GABRB1: variants seen among roughly 807,000 people sequenced by gnomAD.
GABRB1 encodes the protein gamma-aminobutyric acid receptor subunit beta-1.
In GABRB1, 17 loss-of-function variants were observed where a neutral mutation model predicts 51.6. The observed-to-expected ratio is 0.33, with a 90% CI of 0.23 to 0.49. GABRB1 has a LOEUF of 0.49. GABRB1 is among the 20% of genes least tolerant of loss of function. GABRB1 has a pLI of 0.99. For missense variants in GABRB1, 410 were observed against 600.6 expected, an observed-to-expected ratio of 0.68 and a Z score of 3.32; for synonymous variants, 247 against 218.9, an observed-to-expected ratio of 1.13 and a Z score of -1.14.
intron 4 of GABRB1, among the ~76,000 whole-genome samples, chr4:47,247,004 C>T (rs1323601463): frequency 6.6e-6 from 1 of 152,092 alleles, no homozygotes; most frequent in South Asian, 2.1e-4. Context: ...ATTCTATTTG[C>T]TGAGCAAAAG....
At chr4:47,338,175 A>C (rs957683836) in intron 5 of GABRB1, among the ~76,000 whole-genome samples, 1 of 152,178 alleles carries the variant, frequency 6.6e-6, no homozygotes, top group African/African-American at 2.4e-5. Flanking sequence ...CAATCAAATC[A>C]AAGCTCTCTT....
At chr4:47,351,035 T>A (rs1726309755) in intron 5 of GABRB1, among the ~76,000 whole-genome samples, 1 of 152,234 alleles carries the variant, frequency 6.6e-6, no homozygotes, top group African/African-American at 2.4e-5. Flanking sequence ...AATTAAAGAT[T>A]GTGCTGATTT....
At chr4:47,390,139 T>C (rs998212194) in intron 5 of GABRB1, among the ~76,000 whole-genome samples, 1 of 152,212 alleles carries the variant, frequency 6.6e-6, no homozygotes, top group Admixed American at 6.5e-5. Context: ...TCAACTTGGA[T>C]CACATGCCTA....
intron 3 of GABRB1, among the ~76,000 whole-genome samples, chr4:47,088,022 TAA>T (rs1005568662): frequency 5.3e-5 from 8 of 152,190 alleles, no homozygotes; most frequent in African/African-American, 1.9e-4. Context: ...GTGGAAATGT[TAA>T]GTTGGTATTA....
At chr4:47,054,352 A>G (rs6447526) in intron 3 of GABRB1, among the ~76,000 whole-genome samples, 77,442 of 151,922 alleles carry the variant, frequency 0.51, 19,908 homozygotes, top group African/African-American at 0.54. Flanking sequence ...TTCTTGCTAT[A>G]CTGGTGCTTG....
chr4:47,068,328 G>A (rs147493831), intron 3 of GABRB1, among the ~76,000 whole-genome samples: 2 of 152,290 alleles, frequency 1.3e-5, no homozygotes, highest in African/African-American at 2.4e-5. Context: ...CACTGGAGTA[G>A]CATTTAAATT....
chr4:47,162,138 G>T (rs1249330669), intron 4 of GABRB1, among the ~76,000 whole-genome samples: 2 of 152,036 alleles, frequency 1.3e-5, no homozygotes, highest in East Asian at 1.9e-4. Flanking sequence ...TGAGTTAAAA[G>T]TCTTTGGGAG....
intron 3 of GABRB1, among the ~76,000 whole-genome samples, chr4:47,033,287 T>C (rs1043382677): frequency 2.6e-5 from 4 of 152,218 alleles, no homozygotes; most frequent in African/African-American, 9.6e-5. Flanking sequence ...TTCTTTTATA[T>C]ATTTCTTCCC....
intron 4 of GABRB1, among the ~76,000 whole-genome samples, chr4:47,301,751 A>C (rs1219788255): frequency 6.6e-6 from 1 of 152,194 alleles, no homozygotes; most frequent in Admixed American, 6.6e-5. Context: ...AGTATACTGA[A>C]AAAACATAGC....
intron 4 of GABRB1, among the ~76,000 whole-genome samples, chr4:47,242,314 C>A (rs1268502886): frequency 6.6e-6 from 1 of 152,158 alleles, no homozygotes; most frequent in Non-Finnish European, 1.5e-5. Context: ...GGTTCCAAGT[C>A]TTTGCTATTG....
intron 4 of GABRB1, among the ~76,000 whole-genome samples, chr4:47,292,195 T>A (rs1723771012): frequency 6.6e-6 from 1 of 151,294 alleles, no homozygotes; most frequent in South Asian, 2.1e-4. Context: ...CAAGAGGGAG[T>A]TTTCCTGCAC....
chr4:47,341,643 A>C (rs1286178175), intron 5 of GABRB1, among the ~76,000 whole-genome samples: 3 of 152,146 alleles, frequency 2.0e-5, no homozygotes, highest in African/African-American at 7.2e-5. Context: ...ATATATGAGA[A>C]ATTATAGAAT....
At chr4:47,297,931 T>A (rs1198950805) in intron 4 of GABRB1, among the ~76,000 whole-genome samples, 1 of 152,190 alleles carries the variant, frequency 6.6e-6, no homozygotes, top group South Asian at 2.1e-4. Flanking sequence ...CAAGGCTGGT[T>A]CAATATACGC....
intron 5 of GABRB1, among the ~76,000 whole-genome samples, chr4:47,389,199 C>T (rs765613442): frequency 6.6e-6 from 1 of 152,192 alleles, no homozygotes; most frequent in Non-Finnish European, 1.5e-5. Flanking sequence ...TTACAATTTT[C>T]CTGGACATCA....
intron 5 of GABRB1, among the ~76,000 whole-genome samples, chr4:47,368,591 C>T (rs1241660228): frequency 6.6e-6 from 1 of 151,998 alleles, no homozygotes; most frequent in Admixed American, 6.6e-5. Flanking sequence ...CTAATTATTC[C>T]CAGAAATCTT....
chr4:47,021,496 C>T lies in GABRB1; in HGVS notation c.-19-10418C>T, dbSNP rs149233847. ...AAGCTGGGAAAAAATAAGAGGTAAT[C>T]AAGGCAACCCACAGAAATGGCTGTG... On this transcript the variant is annotated intron_variant, in intron 1 of 3. Transcript: ENST00000513567. 2.4e-4 allele frequency among the ~76,000 whole-genome samples: 37 copies of T among 152,202 alleles called. 1 individual carries two copies. The highest frequency in any genetic ancestry group is 8.9e-4 in the African/African-American group (37 of 41,572).
At chr4:47,336,347 G>A (rs1725695866) in intron 5 of GABRB1, among the ~76,000 whole-genome samples, 2 of 152,150 alleles carry the variant, frequency 1.3e-5, no homozygotes, top group African/African-American at 4.8e-5. Flanking sequence ...CTAGAGGTTG[G>A]GGAGATAATA....
chr4:47,302,972 A>T (rs1175067864), intron 4 of GABRB1, among the ~76,000 whole-genome samples: 1 of 151,976 alleles, frequency 6.6e-6, no homozygotes, highest in Non-Finnish European at 1.5e-5. Flanking sequence ...GTTAAGAAGT[A>T]CATTTTTTAA....
chr4:47,002,097 G>A (rs1466170689), intron 1 of GABRB1, among the ~76,000 whole-genome samples: 1 of 152,106 alleles, frequency 6.6e-6, no homozygotes, highest in Non-Finnish European at 1.5e-5. Context: ...TTTGAATTTT[G>A]TTCTTTTGAC....
Sources: gnomAD v4.1 joint callset for allele counts (sites outside exome capture counted in the v4.1 genomes callset) on GRCh38, gnomAD v4.1.1 for gene constraint, MANE v1.5 for transcripts, NCBI Gene and HGNC (gene_info 2026-07-23, HGNC 2026-07-21) for gene names.